SEZ6L: variants seen among roughly 807,000 people sequenced by gnomAD.
The protein encoded by SEZ6L is seizure related 6 homolog like, also known as seizure 6-like protein.
A neutral mutation model predicts 106.2 loss-of-function variants in SEZ6L; 37 were observed. The ratio of observed to expected loss-of-function variants is 0.35; its 90% CI spans 0.27 to 0.46. SEZ6L has a LOEUF of 0.46. SEZ6L is among the 20% of genes least tolerant of loss of function. The pLI is 1.00. For synonymous variants in SEZ6L, 541 were observed against 570.4 expected, an observed-to-expected ratio of 0.95 and a Z score of 0.73; for missense variants, 1,172 against 1,332.8, an observed-to-expected ratio of 0.88 and a Z score of 1.88.
chr22:26,277,531 G>A (rs1311233639), intron 1 of SEZ6L, among the ~76,000 whole-genome samples: 1 of 152,258 alleles, frequency 6.6e-6, no homozygotes, highest in Non-Finnish European at 1.5e-5. Flanking sequence ...TGCGAGTTAT[G>A]TGGATGAGTT....
chr22:26,222,200 T>C (rs561321485), intron 1 of SEZ6L, among the ~76,000 whole-genome samples: 6 of 152,320 alleles, frequency 3.9e-5, no homozygotes, highest in Non-Finnish European at 8.8e-5. Flanking sequence ...CTTAGATGAT[T>C]CTGGTGCATG....
intron 5 of SEZ6L, among the ~76,000 whole-genome samples, chr22:26,300,599 G>A (rs1303626325): frequency 1.3e-5 from 2 of 152,170 alleles, no homozygotes; most frequent in African/African-American, 4.8e-5. Context: ...ATTGTGAATA[G>A]TGCTGCAGTA....
intron 9 of SEZ6L, among the ~76,000 whole-genome samples, chr22:26,314,426 G>C (rs904096090): frequency 6.6e-6 from 1 of 152,152 alleles, no homozygotes; most frequent in Non-Finnish European, 1.5e-5. Context: ...CCAGCAAGAA[G>C]GGGGCACTGT....
At chr22:26,378,883 TGTTA>T (rs2084321318) in intron 16 of SEZ6L, among the ~76,000 whole-genome samples, 1 of 152,238 alleles carries the variant, frequency 6.6e-6, no homozygotes, top group Non-Finnish European at 1.5e-5. Flanking sequence ...TGATCTCCTG[TGTTA>T]GTTATCCACT....
chr22:26,292,511 T>C lies in SEZ6L; in HGVS notation c.200T>C (p.Val67Ala), dbSNP rs781631005. The change falls in exon 2 of 17, where the codon GTA becomes GCA. Residue 67 changes from valine to alanine, a missense_variant. Around this residue, in one of 4 missense-constraint regions of SEZ6L, gnomAD observed 494 missense variants for 445.8 expected, o/e 1.11. Transcript: ENST00000248933. ...PGKEHPEERV[V>A]TAPPSSSQSA... ...AAAGAGCACCCTGAAGAGAGAGTGG[T>C]AACAGCGCCCCCCAGTTCCTCACAG... The C allele has an allele frequency of 1.2e-6, 2 of 1,613,814 alleles. No homozygotes were observed. The highest frequency in any genetic ancestry group is 2.2e-5 in the South Asian group (2 of 90,992).
At chr22:26,234,533 C>T (rs2145753805) in intron 1 of SEZ6L, among the ~76,000 whole-genome samples, 1 of 152,318 alleles carries the variant, frequency 6.6e-6, no homozygotes, top group East Asian at 1.9e-4. Flanking sequence ...GGCTTGGCAG[C>T]AAAGTCAATG....
At chr22:26,184,992 G>T (rs909368389) in intron 1 of SEZ6L, among the ~76,000 whole-genome samples, 1 of 152,208 alleles carries the variant, frequency 6.6e-6, no homozygotes, top group South Asian at 2.1e-4. Flanking sequence ...GCTGAATCAG[G>T]AGAATTGCTT....
intron 13 of SEZ6L, among the ~76,000 whole-genome samples, chr22:26,370,002 T>G (rs544659706): frequency 1.4e-3 from 215 of 152,352 alleles, no homozygotes; most frequent in African/African-American, 5.0e-3. Flanking sequence ...CTGTAAACCC[T>G]CTAACTGTCA....
At chr22:26,272,723 A>T (rs1249591570) in intron 1 of SEZ6L, among the ~76,000 whole-genome samples, 1 of 152,194 alleles carries the variant, frequency 6.6e-6, no homozygotes, top group Non-Finnish European at 1.5e-5. Context: ...GGATGAATGA[A>T]TGAATTCATG....
intron 6 of SEZ6L, among the ~76,000 whole-genome samples, chr22:26,308,148 A>C (rs991707204): frequency 2.0e-5 from 3 of 152,214 alleles, no homozygotes; most frequent in Non-Finnish European, 4.4e-5. Context: ...CTAAAATACC[A>C]CAATATGTCA....
At chr22:26,207,967 T>G (rs1941365340) in intron 1 of SEZ6L, among the ~76,000 whole-genome samples, 1 of 150,906 alleles carries the variant, frequency 6.6e-6, no homozygotes, top group Non-Finnish European at 1.5e-5. Context: ...TGGAGTGCAG[T>G]GGCGCGATCT....
chr22:26,198,241 A>G (rs1371889727), intron 1 of SEZ6L, among the ~76,000 whole-genome samples: 1 of 152,232 alleles, frequency 6.6e-6, no homozygotes, highest in Non-Finnish European at 1.5e-5. Flanking sequence ...AACAATTATC[A>G]TGATGATGAC....
intron 10 of SEZ6L, among the ~76,000 whole-genome samples, chr22:26,343,324 C>CCAA (rs2082903654): frequency 1.6e-5 from 1 of 63,100 alleles, no homozygotes; most frequent in Non-Finnish European, 3.3e-5. Flanking sequence ...GCTTGATGGC[C>CCAA]AAAAAAAAAA....
At chr22:26,377,607 C>A (rs2084272033) in intron 15 of SEZ6L, 66 bp from the exon 16 acceptor site, 1 of 1,313,230 alleles carries the variant, frequency 7.6e-7, no homozygotes, top group South Asian at 1.2e-5. Flanking sequence ...CAACTGTTCC[C>A]GTTCAATATT....
chr22:26,233,755 G>A (rs1328684082), intron 1 of SEZ6L, among the ~76,000 whole-genome samples: 1 of 152,206 alleles, frequency 6.6e-6, no homozygotes, highest in Non-Finnish European at 1.5e-5. Context: ...ATTTGAAATT[G>A]TGACCCCTGC....
rs200655803 is a variant in SEZ6L at position 26,296,909 on chromosome 22, G to A, written c.991G>A (p.Asp331Asn). 34 of 1,610,162 alleles carry A rather than the reference G, an allele frequency of 2.1e-5. No homozygotes were observed. The highest frequency in any genetic ancestry group is 1.8e-4 in the Admixed American group (11 of 59,642). The change falls in exon 4 of 17, where the codon GAT (aspartate) becomes AAT (asparagine). Residue 331 changes from aspartate (D) to asparagine (N), a missense_variant. Asp to Asn is a conservative substitution (Grantham distance 23). Coordinates refer to ENST00000248933, the MANE Select transcript of SEZ6L (RefSeq NM_021115.5). ...ELQVKSVNLSDGELLSIRGVD... is the reference protein window; with the variant it reads ...ELQVKSVNLSNGELLSIRGVD... Reference sequence around the variant, plus strand: ...CCAGGTGAAGAGTGTGAACCTGTCCGATGGGGAACTGCTCTCCATCCGCGG... The same window carrying A: ...CCAGGTGAAGAGTGTGAACCTGTCCAATGGGGAACTGCTCTCCATCCGCGG...
At chr22:26,215,027 T>C (rs1001860247) in intron 1 of SEZ6L, among the ~76,000 whole-genome samples, 6 of 152,214 alleles carry the variant, frequency 3.9e-5, no homozygotes, top group African/African-American at 1.4e-4. Flanking sequence ...AAGTGGTACA[T>C]ACTTTTTAAG....
intron 1 of SEZ6L, among the ~76,000 whole-genome samples, chr22:26,187,338 T>C (rs1159377804): frequency 6.6e-6 from 1 of 152,114 alleles, no homozygotes; most frequent in Non-Finnish European, 1.5e-5. Context: ...CATGATCTAA[T>C]CACCTCCCAC....
At chr22:26,330,772 G>A (rs892467998) in intron 9 of SEZ6L, among the ~76,000 whole-genome samples, 2 of 152,150 alleles carry the variant, frequency 1.3e-5, no homozygotes, top group Non-Finnish European at 2.9e-5. Flanking sequence ...GTGTAAATTG[G>A]CTTGCCTTTT....
Sources: gnomAD v4.1 joint callset for allele counts (sites outside exome capture counted in the v4.1 genomes callset) on GRCh38, gnomAD v4.1.1 for gene constraint, gnomAD v4.1.1 regional missense constraint, MANE v1.5 for transcripts, NCBI Gene and HGNC (gene_info 2026-07-23, HGNC 2026-07-21) for gene names.